The following GLIS3 variants were observed in gnomAD, a reference collection of about 807,000 sequenced individuals.
GLIS3 encodes the protein GLIS family zinc finger 3, also known as zinc finger protein GLIS3.
A neutral mutation model predicts 78.6 loss-of-function variants in GLIS3; 53 were observed. The ratio of observed to expected loss-of-function variants is 0.67; its 90% CI spans 0.54 to 0.85. GLIS3 has a LOEUF of 0.85. GLIS3 is among the 40% of genes least tolerant of loss of function. GLIS3 has a pLI of 0.00. For synonymous variants in GLIS3, 684 were observed against 509.9 expected, an observed-to-expected ratio of 1.34 and a Z score of -4.60; for missense variants, 1,703 against 1,231.1, an observed-to-expected ratio of 1.38 and a Z score of -5.74.
At chr9:4,148,510 G>C (rs764255307) in intron 2 of GLIS3, among the ~76,000 whole-genome samples, 1 of 152,006 alleles carries the variant, frequency 6.6e-6, no homozygotes, top group Non-Finnish European at 1.5e-5. Context: ...TTATTCATTT[G>C]TCTTTTGTGC....
chr9:3,973,978 A>T (rs1588356288), intron 4 of GLIS3, among the ~76,000 whole-genome samples: 2 of 152,274 alleles, frequency 1.3e-5, no homozygotes, highest in East Asian at 3.9e-4. Context: ...AAATTCTTAT[A>T]AAAAAATCAA....
chr9:4,210,090 C>T (rs1476600578), intron 2 of GLIS3, among the ~76,000 whole-genome samples: 1 of 152,014 alleles, frequency 6.6e-6, no homozygotes, highest in African/African-American at 2.4e-5. Flanking sequence ...TAGTGGGCAC[C>T]CCATTGAGTA....
chr9:3,914,721 G>C (rs1377345412), intron 6 of GLIS3, among the ~76,000 whole-genome samples: 1 of 152,178 alleles, frequency 6.6e-6, no homozygotes, highest in East Asian at 1.9e-4. Flanking sequence ...ATTTCAAGCT[G>C]ATTAGGTCCC....
At chr9:4,347,220 A>G (rs988033151) in intron 1 of GLIS3, 4 of 152,174 alleles carry the variant, frequency 2.6e-5, no homozygotes, top group African/African-American at 9.7e-5. Flanking sequence ...GAGACAGAGG[A>G]AGTGTCAGAC....
At chr9:3,855,796 C>A (rs750550118) in intron 9 of GLIS3, 1 of 583,794 alleles carries the variant, frequency 1.7e-6, no homozygotes, top group Non-Finnish European at 3.1e-6. Flanking sequence ...CTGACCAGTG[C>A]GATGTGTCAT....
chr9:4,238,403 C>A (rs1160336384), intron 2 of GLIS3, among the ~76,000 whole-genome samples: 1 of 152,044 alleles, frequency 6.6e-6, no homozygotes, highest in African/African-American at 2.4e-5. Flanking sequence ...GAGAGTCTAC[C>A]CACATGAGAG....
the GLIS3 span, among the ~76,000 whole-genome samples, chr9:4,379,971 CA>C: frequency 3.0e-4 from 3 of 10,036 alleles, no homozygotes; most frequent in Non-Finnish European, 1.0e-3. Flanking sequence ...GAAAGACCCC[CA>C]GGAGGACTTG....
At chr9:4,355,428 T>C in the GLIS3 span, among the ~76,000 whole-genome samples, 1 of 152,176 alleles carries the variant, frequency 6.6e-6, no homozygotes, top group Non-Finnish European at 1.5e-5. Context: ...TCACTATGAT[T>C]ATTAAATACA....
At chr9:4,387,683 T>G in the GLIS3 span, among the ~76,000 whole-genome samples, 1 of 152,188 alleles carries the variant, frequency 6.6e-6, no homozygotes. Flanking sequence ...GTTCACTCAT[T>G]TGACTAAGCA....
At chr9:4,402,630 C>T in the GLIS3 span, among the ~76,000 whole-genome samples, 1 of 151,870 alleles carries the variant, frequency 6.6e-6, no homozygotes, top group Non-Finnish European at 1.5e-5. Context: ...AAGATTGAAA[C>T]AATTAAAAAG....
At chr9:4,169,225 G>T (rs775101063) in intron 2 of GLIS3, among the ~76,000 whole-genome samples, 2 of 152,142 alleles carry the variant, frequency 1.3e-5, no homozygotes, top group Non-Finnish European at 2.9e-5. Context: ...AGGAAAGCAT[G>T]AGGAAAGTCA....
intron 4 of GLIS3, among the ~76,000 whole-genome samples, chr9:3,979,330 C>T (rs372859030): frequency 6.6e-6 from 1 of 152,194 alleles, no homozygotes; most frequent in Non-Finnish European, 1.5e-5. Flanking sequence ...CTGTTCTGGT[C>T]AACCTTCAGT....
At chr9:4,448,991 A>G in the GLIS3 span, among the ~76,000 whole-genome samples, 26 of 152,146 alleles carry the variant, frequency 1.7e-4, no homozygotes, top group Admixed American at 3.3e-4. Context: ...CAGCCTATGG[A>G]GGGTGAGCTG....
At chr9:4,261,168 T>A (rs968270590) in intron 2 of GLIS3, among the ~76,000 whole-genome samples, 33 of 152,262 alleles carry the variant, frequency 2.2e-4, no homozygotes, top group Non-Finnish European at 4.4e-4. Context: ...TAAAATTCAT[T>A]CATAGGATCA....
chr9:4,022,072 CAACTT>C (rs1822931529), intron 4 of GLIS3, among the ~76,000 whole-genome samples: 1 of 152,186 alleles, frequency 6.6e-6, no homozygotes, highest in East Asian at 1.9e-4. Context: ...CAGGTGGTGA[CAACTT>C]AATGTCTAAA....
At chr9:3,988,865 T>A (rs1038872013) in intron 4 of GLIS3, among the ~76,000 whole-genome samples, 5 of 152,090 alleles carry the variant, frequency 3.3e-5, no homozygotes, top group African/African-American at 1.2e-4. Flanking sequence ...GGCAAAGACT[T>A]CTTAGACTTG....
At chr9:4,368,377 C>T in the GLIS3 span, among the ~76,000 whole-genome samples, 2 of 149,386 alleles carry the variant, frequency 1.3e-5, no homozygotes, top group South Asian at 2.1e-4. Flanking sequence ...CTGAGTCTCG[C>T]TCTGTCACCC....
intron 2 of GLIS3, among the ~76,000 whole-genome samples, chr9:4,338,389 T>TACAC (rs202090144): frequency 0.21 from 30,531 of 147,260 alleles, 3,238 homozygotes; most frequent in South Asian, 0.28. Context: ...CACACACACA[T>TACAC]ACACACACAC....
chr9:4,011,218 G>C (rs889357294), intron 4 of GLIS3, among the ~76,000 whole-genome samples: 4 of 152,176 alleles, frequency 2.6e-5, no homozygotes, highest in African/African-American at 9.7e-5. Flanking sequence ...TGTGCGCAGA[G>C]TACAAAGAGG....
Sources: allele counts gnomAD v4.1 joint callset (sites outside exome capture counted in the v4.1 genomes callset), GRCh38; gene constraint gnomAD v4.1.1; transcripts MANE v1.5; gene names NCBI Gene and HGNC (gene_info 2026-07-23, HGNC 2026-07-21).